The following SGK3 variants were observed in gnomAD, a reference collection of about 807,000 sequenced individuals.
SGK3 encodes the protein serine/threonine-protein kinase Sgk3.
A neutral mutation model predicts 68.5 loss-of-function variants in SGK3; 47 were observed. The observed-to-expected ratio is 0.69, with a 90% CI of 0.54 to 0.87. The LOEUF (loss-of-function observed/expected upper bound fraction) is 0.87, where lower values mean the gene tolerates loss of function less well. Ranked by LOEUF, SGK3 falls within the 40% of genes least tolerant of loss-of-function variation. SGK3 has a pLI of 0.00. For missense variants in SGK3, 479 were observed against 575.5 expected (o/e 0.83, Z 1.72); for synonymous variants, 181 against 189.1 (o/e 0.96, Z 0.35).
intron 1 of SGK3, among the ~76,000 whole-genome samples, chr8:66,722,188 A>G (rs1001973355): frequency 2.0e-5 from 3 of 152,208 alleles, no homozygotes. Flanking sequence ...CTGCGCCGAG[A>G]CAATAGCTAC....
At chr8:66,716,964 G>A (rs1354134872) in intron 1 of SGK3, among the ~76,000 whole-genome samples, 1 of 152,022 alleles carries the variant, frequency 6.6e-6, no homozygotes, top group East Asian at 1.9e-4. Context: ...GGGAGGCCAA[G>A]GTGGGCAGAT....
chr8:66,777,839 C>G (rs1563621896), intron 1 of SGK3: 1 of 152,180 alleles, frequency 6.6e-6, no homozygotes, highest in Admixed American at 6.5e-5. Context: ...GTAAATATGA[C>G]AGTAGAATTA....
intron 1 of SGK3, among the ~76,000 whole-genome samples, chr8:66,721,608 C>T (rs774231835): frequency 9.2e-5 from 14 of 152,160 alleles, no homozygotes; most frequent in Non-Finnish European, 1.9e-4. Context: ...CAGAAGTCCA[C>T]ACCCACCTCC....
chr8:66,778,487 G>C (rs905444502), intron 1 of SGK3, among the ~76,000 whole-genome samples: 1 of 152,088 alleles, frequency 6.6e-6, no homozygotes, highest in Non-Finnish European at 1.5e-5. Context: ...TAGTAGAGAC[G>C]GGGTTTCACC....
At chr8:66,785,499 TGTC>T (rs1258856231) in intron 1 of SGK3, among the ~76,000 whole-genome samples, 1 of 152,202 alleles carries the variant, frequency 6.6e-6, no homozygotes, top group African/African-American at 2.4e-5. Flanking sequence ...CATTTTTTGT[TGTC>T]GGGCAGTCCT....
At chr8:66,820,256 A>G (rs1436171697) in intron 5 of SGK3, among the ~76,000 whole-genome samples, 1 of 152,092 alleles carries the variant, frequency 6.6e-6, no homozygotes, top group African/African-American at 2.4e-5. Flanking sequence ...GGCAACCACT[A>G]TTCTACTTTC....
At chr8:66,735,678 C>T (rs913876382) in intron 1 of SGK3, among the ~76,000 whole-genome samples, 1 of 152,198 alleles carries the variant, frequency 6.6e-6, no homozygotes, top group Non-Finnish European at 1.5e-5. Context: ...TTTCCCATTT[C>T]ACCTGAGGTA....
intron 5 of SGK3, among the ~76,000 whole-genome samples, chr8:66,815,308 A>G (rs573305458): frequency 1.3e-4 from 20 of 152,202 alleles, no homozygotes; most frequent in Non-Finnish European, 2.2e-4. Context: ...AGGGTCAGGC[A>G]GGTCTCACAG....
At chr8:66,731,921 T>C (rs1805167283) in intron 1 of SGK3, among the ~76,000 whole-genome samples, 1 of 152,224 alleles carries the variant, frequency 6.6e-6, no homozygotes, top group Admixed American at 6.5e-5. Context: ...GATTTACTAG[T>C]AGAATGTGCT....
At chr8:66,842,797 C>T (rs555452373) in intron 13 of SGK3, among the ~76,000 whole-genome samples, 1 of 152,174 alleles carries the variant, frequency 6.6e-6, no homozygotes, top group South Asian at 2.1e-4. Flanking sequence ...TGCCGGGTGC[C>T]GTGGCTCATG....
chr8:66,851,220 G>A (rs529388499), intron 16 of SGK3, among the ~76,000 whole-genome samples: 15 of 152,280 alleles, frequency 9.9e-5, no homozygotes, highest in African/African-American at 3.4e-4. Flanking sequence ...GCTCACACCT[G>A]TAATCCCAGC....
chr8:66,714,701 T>C (rs1804584239), intron 1 of SGK3, among the ~76,000 whole-genome samples: 1 of 152,200 alleles, frequency 6.6e-6, no homozygotes, highest in African/African-American at 2.4e-5. Flanking sequence ...CCCCTAGCAT[T>C]TTCATGGCTT....
At chr8:66,855,203 T>C (rs1324336351) in intron 16 of SGK3, among the ~76,000 whole-genome samples, 3 of 152,198 alleles carry the variant, frequency 2.0e-5, no homozygotes, top group Non-Finnish European at 4.4e-5. Flanking sequence ...TTTCATTTCA[T>C]TTATTGATTG....
intron 1 of SGK3, among the ~76,000 whole-genome samples, chr8:66,787,345 C>T (rs1807250848): frequency 6.6e-6 from 1 of 152,182 alleles, no homozygotes; most frequent in Non-Finnish European, 1.5e-5. Flanking sequence ...TACTTTAGAT[C>T]TGATTTATTG....
intron 8 of SGK3, among the ~76,000 whole-genome samples, chr8:66,831,964 C>G (rs938856474): frequency 2.6e-4 from 39 of 151,550 alleles, no homozygotes; most frequent in African/African-American, 9.5e-4. Context: ...AATATTCAGT[C>G]AAGTAAATAA....
intron 1 of SGK3, among the ~76,000 whole-genome samples, chr8:66,788,135 T>C (rs62513060): frequency 9.7e-4 from 147 of 152,324 alleles, no homozygotes; most frequent in Non-Finnish European, 1.7e-3. Flanking sequence ...AATGTGGGTC[T>C]AGAAAACTTA....
At chr8:66,721,055 C>A (rs939959207) in intron 1 of SGK3, among the ~76,000 whole-genome samples, 1 of 152,130 alleles carries the variant, frequency 6.6e-6, no homozygotes, top group East Asian at 1.9e-4. Flanking sequence ...TAAACAGCAC[C>A]GCCACCAATG....
At chr8:66,856,849 T>C (rs754880019) in intron 16 of SGK3, among the ~76,000 whole-genome samples, 45 of 152,130 alleles carry the variant, frequency 3.0e-4, no homozygotes, top group Non-Finnish European at 8.8e-5. Context: ...TCCAAGCACT[T>C]TGAGAGGCCG....
At chr8:66,731,833 C>T (rs1042748159) in intron 1 of SGK3, among the ~76,000 whole-genome samples, 5 of 152,140 alleles carry the variant, frequency 3.3e-5, no homozygotes, top group South Asian at 2.1e-4. Context: ...CGCACCCGGC[C>T]GGGTATTAAC....
Sources: allele counts gnomAD v4.1 joint callset (sites outside exome capture counted in the v4.1 genomes callset), GRCh38; gene constraint gnomAD v4.1.1; transcripts MANE v1.5; gene names NCBI Gene and HGNC (gene_info 2026-07-23, HGNC 2026-07-21).